Variants in DPP6 observed in about 807,000 individuals in gnomAD.
The protein encoded by DPP6 is A-type potassium channel modulatory protein DPP6.
Under a neutral mutation model 122.6 loss-of-function variants are expected in DPP6, and 69 were observed. The observed-to-expected ratio is 0.56, with a 90% CI of 0.46 to 0.69. The LOEUF (loss-of-function observed/expected upper bound fraction) is 0.69. Ranked by LOEUF, DPP6 falls within the 30% of genes least tolerant of loss-of-function variation. DPP6 has a pLI of 0.00. For missense variants in DPP6, 928 were observed against 1,116.9 expected (o/e 0.83, Z 2.41); for synonymous variants, 418 against 433.1 (o/e 0.97, Z 0.43).
chr7:154,018,178 G>T (rs1199508198), intron 1 of DPP6, among the ~76,000 whole-genome samples: 2 of 151,894 alleles, frequency 1.3e-5, no homozygotes, highest in East Asian at 1.9e-4. Context: ...TGCTGTAGAT[G>T]ACCTGAAATA....
rs1554498771 is a variant in DPP6, at chr7:154,241,185, ATGTGTGTG to A, written c.243+188150_243+188157del. On this transcript the variant is annotated intron_variant, in intron 1 of 25. Transcript: ENST00000377770. This position sits in a 1 kb window ranked among gnomAD's most constrained non-coding sequence, Gnocchi z 9.0. ...GCACAGTAGGTAATTCAATATCAAT[ATGTGTGTG>A]TGTGTGTGTGTGTGTGTGTGTGTGT... 5.1e-5 allele frequency among the ~76,000 whole-genome samples: 7 copies of A among 136,298 alleles called. No individual in the cohort carries two copies. Among genetic ancestry groups the A allele is most frequent in the East Asian group, 2.1e-4 (1 of 4,696 alleles). The allele number at this position is 136,298 out of a possible 152,430, so 89.4% of individuals were successfully genotyped here. A position where few individuals can be genotyped will look rare whatever the true frequency, so the allele number is the denominator to read the frequency against.
At chr7:153,819,077 C>CTTTTTTTTTTTT in the DPP6 span, among the ~76,000 whole-genome samples, 30 of 99,840 alleles carry the variant, frequency 3.0e-4, no homozygotes, top group East Asian at 5.8e-4. Context: ...CTTTTCTTTT[C>CTTTTTTTTTTTT]TTTTTTTTTT....
chr7:154,052,668 C>CT lies in DPP6; in HGVS notation c.-153_-152insT. ...GCGAGTGGCGCGCGGGAGGAGCGGC[C>CT]GCCGGCGCTGGGCTTGCCTTGCTGC... On this transcript the variant is annotated 5_prime_UTR_variant, in exon 1 of 26. Coordinates refer to ENST00000377770, the MANE Select transcript of DPP6 (RefSeq NM_130797.4). The surrounding 1 kb of genome is among the most constrained non-coding windows in gnomAD (Gnocchi z 4.8). 8.2e-7 allele frequency: 1 copy of CT among 1,220,946 alleles called. No individual in the cohort carries two copies. Among genetic ancestry groups the CT allele is most frequent in the Non-Finnish European group, 1.0e-6 (1 of 968,886 alleles). 75.6% of individuals were successfully genotyped at this position (1,220,946 alleles called of 1,614,324 possible). A position where few individuals can be genotyped will look rare whatever the true frequency, so the allele number is the denominator to read the frequency against.
chr7:153,819,238 C>A, the DPP6 span, among the ~76,000 whole-genome samples: 1 of 136,546 alleles, frequency 7.3e-6, no homozygotes, highest in Non-Finnish European at 1.5e-5. Flanking sequence ...TGTCTCCTTC[C>A]CATTCTCCGC....
intron 20 of DPP6, 118 bp from the exon 21 acceptor site, chr7:154,880,770 T>C: frequency 6.4e-7 from 1 of 1,556,594 alleles, no homozygotes; most frequent in Non-Finnish European, 8.8e-7. Context: ...AGGTTGCTTT[T>C]TATTTGAAGA....
At chr7:154,449,858 A>G (rs1820203513) in intron 2 of DPP6, among the ~76,000 whole-genome samples, 1 of 151,806 alleles carries the variant, frequency 6.6e-6, no homozygotes, top group South Asian at 2.1e-4. Flanking sequence ...ATAAAAAAAA[A>G]CTAGCCAGGA....
At chr7:154,556,085 C>T (rs1346105881) in intron 4 of DPP6, among the ~76,000 whole-genome samples, 1 of 152,150 alleles carries the variant, frequency 6.6e-6, no homozygotes, top group Non-Finnish European at 1.5e-5. Context: ...AATGTATACT[C>T]TTTTACCTGC....
chr7:153,862,899 A>G, the DPP6 span, among the ~76,000 whole-genome samples: 1 of 152,194 alleles, frequency 6.6e-6, no homozygotes, highest in East Asian at 1.9e-4. Context: ...TTAATGCAAA[A>G]AAAATCATGC....
At chr7:153,973,754 C>T (rs1796152616) in intron 1 of DPP6, among the ~76,000 whole-genome samples, 1 of 150,274 alleles carries the variant, frequency 6.7e-6, no homozygotes, top group Non-Finnish European at 1.5e-5. Context: ...TCTGAGGATT[C>T]TTCCTGGTGG....
chr7:154,576,671 C>G (rs1354690926), intron 5 of DPP6, among the ~76,000 whole-genome samples: 2 of 152,082 alleles, frequency 1.3e-5, no homozygotes, highest in Non-Finnish European at 2.9e-5. Context: ...AGAGCGGTCT[C>G]AGCAGGCCGG....
chr7:154,575,394 AGT>A (rs1172151463), intron 5 of DPP6, among the ~76,000 whole-genome samples: 3,633 of 23,506 alleles, frequency 0.15, 420 homozygotes, highest in East Asian at 0.62. Flanking sequence ...ATGTGTGTGT[AGT>A]GTGTGTGTGG....
At position 154,448,756 on chromosome 7, in the gene DPP6, A is replaced by T. The variant is rs1212242941; in HGVS notation, c.358+2428A>T. 4.6e-5 allele frequency among the ~76,000 whole-genome samples: 7 copies of T among 152,236 alleles called. No homozygotes were observed. The East Asian group carries it at 1.3e-3, about 29-fold the overall frequency. On this transcript the variant is annotated intron_variant, in intron 2 of 25. Coordinates refer to ENST00000377770, the MANE Select transcript of DPP6 (RefSeq NM_130797.4). ...ATGGAATAGAATTGAGAGTTCAAAA[A>T]TAAACCCATACATCTATAGTCAATT...
At chr7:154,136,544 C>A (rs1202605562) in intron 1 of DPP6, among the ~76,000 whole-genome samples, 2 of 152,202 alleles carry the variant, frequency 1.3e-5, no homozygotes, top group East Asian at 1.9e-4. Flanking sequence ...GTTGTCAATA[C>A]ATTTTCAGAC....
rs1554498746 is a variant in DPP6 at position 154,241,183 on chromosome 7, A to ATGTGTGTG, written c.243+188121_243+188122insGTGTGTGT. On this transcript the variant is annotated intron_variant, in intron 1 of 25. Transcript: ENST00000377770. The surrounding 1 kb of genome is among the most constrained non-coding windows in gnomAD (Gnocchi z 9.0). ...CTGCACAGTAGGTAATTCAATATCA[A>ATGTGTGTG]TATGTGTGTGTGTGTGTGTGTGTGT... Among the ~76,000 whole-genome samples the ATGTGTGTG allele has an allele frequency of 8.4e-5, 3 of 35,532 alleles. No homozygotes were observed. Among genetic ancestry groups the ATGTGTGTG allele is most frequent in the Non-Finnish European group, 2.0e-4 (3 of 15,068 alleles). The allele number at this position is 35,532 out of a possible 152,430, so 23.3% of individuals were successfully genotyped here.
At chr7:154,587,411 C>A (rs901462394) in intron 5 of DPP6, 1 of 581,450 alleles carries the variant, frequency 1.7e-6, no homozygotes, top group African/African-American at 1.9e-5. Context: ...ACCAATGCTG[C>A]CGCTTTCCAC....
chr7:154,090,033 C>T (rs536531107), intron 1 of DPP6, among the ~76,000 whole-genome samples: 1 of 152,354 alleles, frequency 6.6e-6, no homozygotes, highest in African/African-American at 2.4e-5. Context: ...ATCCTTTCTT[C>T]TCCTCCATTT....
At chr7:154,543,893 C>T (rs954174520) in intron 4 of DPP6, among the ~76,000 whole-genome samples, 2 of 150,588 alleles carry the variant, frequency 1.3e-5, no homozygotes, top group African/African-American at 4.9e-5. Flanking sequence ...ACTTGGGAAG[C>T]CGAGGCAAGA....
intron 1 of DPP6, among the ~76,000 whole-genome samples, chr7:154,015,978 A>G (rs1798388120): frequency 1.3e-5 from 2 of 152,214 alleles, no homozygotes; most frequent in South Asian, 4.1e-4. Context: ...GGCCCTTATA[A>G]GACCCCTTTT....
intron 3 of DPP6, among the ~76,000 whole-genome samples, chr7:154,507,510 G>C (rs557438291): frequency 6.6e-6 from 1 of 152,262 alleles, no homozygotes; most frequent in East Asian, 1.9e-4. Flanking sequence ...AAAATACAGA[G>C]AAGGGTTAGT....
Sources: allele counts gnomAD v4.1 joint callset (sites outside exome capture counted in the v4.1 genomes callset), GRCh38; gene constraint gnomAD v4.1.1; non-coding constraint Gnocchi (gnomAD v3.1); transcripts MANE v1.5; gene names NCBI Gene and HGNC (gene_info 2026-07-23, HGNC 2026-07-21).